RFWD3: variants seen among roughly 807,000 people sequenced by gnomAD.
The protein encoded by RFWD3 is ring finger and WD repeat domain 3.
A neutral mutation model predicts 87.7 loss-of-function variants in RFWD3; 65 were observed. The observed-to-expected ratio is 0.74, with a 90% CI of 0.61 to 0.91. RFWD3 has a LOEUF of 0.91. Among genes scored for constraint, RFWD3 ranks in the 40% least tolerant of loss-of-function variants. The pLI, the probability that RFWD3 is intolerant of heterozygous loss-of-function variation, is 0.00. For synonymous variants in RFWD3, 433 were observed against 352.8 expected (o/e 1.23, Z -2.55); for missense variants, 1,078 against 938.5 (o/e 1.15, Z -1.94).
chr16:74,634,175 G>A (rs1567570239), intron 8 of RFWD3, among the ~76,000 whole-genome samples: 1 of 151,946 alleles, frequency 6.6e-6, no homozygotes. Flanking sequence ...AAGGAATAGT[G>A]AACAATAGAG....
At chr16:74,659,612 C>A (rs1156570374) in intron 2 of RFWD3, among the ~76,000 whole-genome samples, 5 of 137,452 alleles carry the variant, frequency 3.6e-5, no homozygotes, top group African/African-American at 1.1e-4. Flanking sequence ...AAAAAAAAAA[C>A]CCAGAGTAAT....
chr16:74,634,469 C>T (rs1959177155), intron 8 of RFWD3, among the ~76,000 whole-genome samples: 1 of 152,096 alleles, frequency 6.6e-6, no homozygotes, highest in Non-Finnish European at 1.5e-5. Context: ...ACAATAGCCT[C>T]GATCTCCTAG....
chr16:74,632,370 T>C (rs1959125901), intron 9 of RFWD3, among the ~76,000 whole-genome samples, 153 bp downstream of exon 9: 1 of 151,860 alleles, frequency 6.6e-6, no homozygotes, highest in South Asian at 2.1e-4. Flanking sequence ...CCAGCCTGGG[T>C]GACAGAGCGA....
chr16:74,634,120 G>T (rs1480280501), intron 8 of RFWD3, among the ~76,000 whole-genome samples: 1 of 152,068 alleles, frequency 6.6e-6, no homozygotes, highest in Non-Finnish European at 1.5e-5. Context: ...TAAAGCTGTT[G>T]AGAGACAGAA....
At chr16:74,631,899 C>T (rs967457960) in intron 9 of RFWD3, among the ~76,000 whole-genome samples, 4 of 152,124 alleles carry the variant, frequency 2.6e-5, no homozygotes, top group African/African-American at 2.4e-5. Context: ...GGATTACAGG[C>T]GTGAGCCACC....
Position 74,622,485 on chromosome 16 carries a change from A to T in RFWD3, c.*1443T>A, listed in dbSNP as rs906850331. On this transcript the variant is annotated 3_prime_UTR_variant, in exon 13 of 13. Transcript: ENST00000361070. Reference sequence around the variant, plus strand: ...TACAAAAAAATTTAAAAAAGGAAAAAATTATGTCCTAAAATATTAAAGGGT... The same window carrying T: ...TACAAAAAAATTTAAAAAAGGAAAATATTATGTCCTAAAATATTAAAGGGT... 2.6e-5 allele frequency: 4 copies of T among 152,170 alleles called. No individual in the cohort carries two copies. The highest frequency in any genetic ancestry group is 9.7e-5 in the African/African-American group (4 of 41,448). The allele number at this position is 152,170 out of a possible 1,614,324, so 9.4% of individuals were successfully genotyped here.
intron 12 of RFWD3, among the ~76,000 whole-genome samples, chr16:74,624,564 T>C (rs1384678384): frequency 6.6e-6 from 1 of 152,182 alleles, no homozygotes; most frequent in Non-Finnish European, 1.5e-5. Flanking sequence ...CCCGGCTAAT[T>C]TTCTTGTATT....
chr16:74,658,279 G>C (rs936684884), intron 2 of RFWD3, among the ~76,000 whole-genome samples: 2 of 152,206 alleles, frequency 1.3e-5, no homozygotes, highest in Non-Finnish European at 2.9e-5. Flanking sequence ...ACAGAGGAGT[G>C]TTATCAATAT....
intron 1 of RFWD3, 88 bp from the exon 2 acceptor site, chr16:74,661,539 T>C (rs1268576934): frequency 1.7e-6 from 2 of 1,189,032 alleles, no homozygotes; most frequent in Non-Finnish European, 2.4e-6. Context: ...CTTTCTGATT[T>C]TATGTTTAAT....
intron 5 of RFWD3, 24 bp from the exon 6 acceptor site, chr16:74,644,477 T>C (rs1406686427): frequency 1.2e-6 from 2 of 1,614,130 alleles, no homozygotes; most frequent in Non-Finnish European, 1.7e-6. Flanking sequence ...TAGGACATAA[T>C]TAGAGTGGTT....
Position 74,661,078 on chromosome 16 carries a change from G to A in RFWD3, c.372C>T (p.Ile124=), listed in dbSNP as rs1002523871. 1.2e-6 allele frequency: 2 copies of A among 1,614,228 alleles called. No homozygotes were observed. The highest frequency in any genetic ancestry group is 1.7e-6 in the Non-Finnish European group (2 of 1,180,042). The change falls in exon 2 of 13, where the codon ATC becomes ATT. Residue 124 remains isoleucine (I), a synonymous_variant. Coordinates refer to ENST00000361070, the MANE Select transcript of RFWD3 (RefSeq NM_018124.4). The part of the protein sequence containing the change: ...ASSLHSMTNF[I]SGLQRLHGML... ...TGCCATGAAGTCTCTGCAGTCCGCT[G>A]ATGAAGTTGGTCATTGAATGCAACG...
chr16:74,648,751 G>C (rs1308722989), intron 4 of RFWD3, among the ~76,000 whole-genome samples: 1 of 151,554 alleles, frequency 6.6e-6, no homozygotes, highest in African/African-American at 2.4e-5. Flanking sequence ...CTCCACCCTG[G>C]GCAACAGAGT....
intron 1 of RFWD3, among the ~76,000 whole-genome samples, chr16:74,663,968 C>G (rs1434831626): frequency 6.6e-6 from 1 of 152,192 alleles, no homozygotes; most frequent in Non-Finnish European, 1.5e-5. Flanking sequence ...CCAGCTAAAA[C>G]AAAACACAGA....
At chr16:74,661,714 T>C (rs1197724681) in intron 1 of RFWD3, among the ~76,000 whole-genome samples, 1 of 152,160 alleles carries the variant, frequency 6.6e-6, no homozygotes, top group Non-Finnish European at 1.5e-5. Flanking sequence ...TCTTCCAAAA[T>C]AGAAAGATCT....
At chr16:74,662,905 T>C (rs1329631730) in intron 1 of RFWD3, among the ~76,000 whole-genome samples, 1 of 146,858 alleles carries the variant, frequency 6.8e-6, no homozygotes, top group Non-Finnish European at 1.5e-5. Context: ...ATGGTCATGC[T>C]TCTTTTTTTT....
At chr16:74,656,237 T>C (rs1037865152) in intron 2 of RFWD3, among the ~76,000 whole-genome samples, 1 of 143,940 alleles carries the variant, frequency 6.9e-6, no homozygotes, top group African/African-American at 2.6e-5. Context: ...CCCGGGGAGG[T>C]TGAGGCTGCA....
chr16:74,637,595 T>G (rs1202622728), intron 7 of RFWD3, among the ~76,000 whole-genome samples: 2 of 152,262 alleles, frequency 1.3e-5, no homozygotes, highest in South Asian at 4.1e-4. Flanking sequence ...ATCACATCAC[T>G]GCACTCCAGC....
At chr16:74,637,814 T>C (rs1350112609) in intron 7 of RFWD3, 42 bp downstream of exon 7, 1 of 1,427,118 alleles carries the variant, frequency 7.0e-7, no homozygotes, top group Non-Finnish European at 9.8e-7. Flanking sequence ...CCTCTTCCAT[T>C]CCTATTCCAA....
intron 2 of RFWD3, among the ~76,000 whole-genome samples, chr16:74,653,429 G>A (rs568544323): frequency 1.9e-4 from 29 of 151,734 alleles, no homozygotes; most frequent in African/African-American, 6.3e-4. Context: ...CACAGAGAGT[G>A]AGCGAGCTAT....
Sources: gnomAD v4.1 joint callset for allele counts (sites outside exome capture counted in the v4.1 genomes callset) on GRCh38, gnomAD v4.1.1 for gene constraint, MANE v1.5 for transcripts, NCBI Gene and HGNC (gene_info 2026-07-23, HGNC 2026-07-21) for gene names.